The following MYH15 variants were observed in gnomAD, a reference collection of about 807,000 sequenced individuals.
The protein encoded by MYH15 is myosin-15.
A neutral mutation model predicts 240.5 loss-of-function variants in MYH15; 227 were observed. The observed-to-expected ratio is 0.94, with a 90% CI of 0.85 to 1.05. MYH15 has a LOEUF of 1.05. MYH15 is among the 50% of genes least tolerant of loss of function. The probability of loss-of-function intolerance (pLI) is 0.00; values close to 1 mark genes in which losing one functional copy is unlikely to be tolerated. For missense variants in MYH15, 2,217 were observed against 2,247.5 expected, an observed-to-expected ratio of 0.99 and a Z score of 0.27; for synonymous variants, 785 against 796.7, an observed-to-expected ratio of 0.99 and a Z score of 0.25.
intron 11 of MYH15, 37 bp from the exon 12 acceptor site, chr3:108,476,552 G>A: frequency 7.5e-7 from 1 of 1,330,438 alleles, no homozygotes; most frequent in South Asian, 1.2e-5. Flanking sequence ...AAGGAGAGAG[G>A]AAAACACTGT....
At chr3:108,539,477 A>C in the MYH15 span, among the ~76,000 whole-genome samples, 33 of 152,162 alleles carry the variant, frequency 2.2e-4, no homozygotes, top group Non-Finnish European at 7.3e-5. Context: ...AAAGCAAGCA[A>C]CTATGTATTA....
intron 1 of MYH15, among the ~76,000 whole-genome samples, chr3:108,516,995 C>T (rs2083578106): frequency 6.6e-6 from 1 of 152,154 alleles, no homozygotes; most frequent in African/African-American, 2.4e-5. Flanking sequence ...CTAATGATCT[C>T]CTGAAGAGAA....
In MYH15 at chr3:108,483,093, G is replaced by A. The variant is rs138445800; in HGVS notation, c.1114+1998C>T. On this transcript the variant is annotated intron_variant, in intron 11 of 40. Transcript: ENST00000693548. Reference sequence around the variant, plus strand: ...TGTAATCCCAGCTTCCCAGCTACTCGGGAGGCTGAGGCACAAGAATCGCTT... The same window carrying A: ...TGTAATCCCAGCTTCCCAGCTACTCAGGAGGCTGAGGCACAAGAATCGCTT... Among the ~76,000 whole-genome samples, 941 of 151,834 alleles carry A rather than the reference G, an allele frequency of 6.2e-3. 9 individuals are homozygous for A. Among genetic ancestry groups the A allele is most frequent in the African/African-American group, 0.018 (761 of 41,386 alleles).
intron 21 of MYH15, among the ~76,000 whole-genome samples, chr3:108,450,979 G>A (rs2082968505): frequency 6.6e-6 from 1 of 151,946 alleles, no homozygotes; most frequent in Non-Finnish European, 1.5e-5. Flanking sequence ...GAATGTTCAA[G>A]AAAAAGGAGA....
intron 23 of MYH15, among the ~76,000 whole-genome samples, chr3:108,440,660 A>C (rs2082877247): frequency 6.7e-6 from 1 of 148,226 alleles, no homozygotes; most frequent in Non-Finnish European, 1.5e-5. Context: ...ATCCCAAATT[A>C]TCTTTTAGCA....
intron 2 of MYH15, among the ~76,000 whole-genome samples, chr3:108,503,506 A>G (rs890055607): frequency 6.6e-6 from 1 of 152,230 alleles, no homozygotes; most frequent in Admixed American, 6.5e-5. Flanking sequence ...GCTTGAATAG[A>G]CATTTCTCTG....
In MYH15 at chr3:108,441,240, A is replaced by G; in HGVS notation, c.2676T>C (p.Asn892=). 2.5e-6 allele frequency: 4 copies of G among 1,613,918 alleles called. No individual in the cohort carries two copies. Among genetic ancestry groups the G allele is most frequent in the African/African-American group, 2.7e-5 (2 of 74,998 alleles). Residue 892 remains asparagine, a synonymous_variant, in exon 23 of 41, where the codon AAT becomes AAC. Coordinates refer to ENST00000693548, the MANE Select transcript of MYH15 (RefSeq NM_014981.3). ...QLQAEQETLA[N]VEEQCEWLIK... ...TCAGCCACTCGCACTGCTCTTCAAC[A>G]TTTGCCAGTGTCTCTTGCTCCTGCC...
chr3:108,503,763 T>C (rs2083455002), intron 2 of MYH15, among the ~76,000 whole-genome samples: 1 of 152,174 alleles, frequency 6.6e-6, no homozygotes, highest in Non-Finnish European at 1.5e-5. Flanking sequence ...ATGCTTAGTA[T>C]AGAGTTACTA....
At position 108,437,564 on chromosome 3, in the gene MYH15, C is replaced by G; in HGVS notation, c.3211G>C (p.Glu1071Gln). The change falls in exon 25 of 41, where the codon GAG becomes CAG. Residue 1071 changes from glutamate (E) to glutamine (Q), a missense_variant. Transcript: ENST00000693548. Reference sequence around the variant, plus strand: ...AGAAAGGTGGCTTACTTCCTCAGCTCTTCTGCCAGGTGTCGCTGGCTGCTT... The same window carrying G: ...AGAAAGGTGGCTTACTTCCTCAGCTGTTCTGCCAGGTGTCGCTGGCTGCTT... ...LESSQRHLAE[E>Q]LRKKELELSQ... 1 of 1,613,262 alleles carries G rather than the reference C, an allele frequency of 6.2e-7. No homozygotes were observed. Among genetic ancestry groups the G allele is most frequent in the Non-Finnish European group, 8.5e-7 (1 of 1,179,714 alleles).
upstream of MYH15, among the ~76,000 whole-genome samples, chr3:108,530,442 A>C (rs2083704035): frequency 6.6e-6 from 1 of 152,186 alleles, no homozygotes; most frequent in Non-Finnish European, 1.5e-5. Flanking sequence ...GAAGAGGGAG[A>C]GATAAATAGG....
chr3:108,398,859 G>A lies in MYH15; in HGVS notation c.4930-19C>T, dbSNP rs1182305043. ...GAAGGTCCTGGGAGAGAAAAGATGG[G>A]TCTGGAGTACAGATCCCTCTGAGTT... On this transcript the variant is annotated intron_variant, in intron 34 of 40. Transcript: ENST00000693548. The A allele has an allele frequency of 1.9e-6, 3 of 1,608,344 alleles. No individual in the cohort carries two copies. Among genetic ancestry groups the A allele is most frequent in the East Asian group, 2.2e-5 (1 of 44,874 alleles).
chr3:108,451,639 G>C (rs377279925), intron 21 of MYH15, among the ~76,000 whole-genome samples: 69 of 152,164 alleles, frequency 4.5e-4, no homozygotes, highest in African/African-American at 1.6e-3. Context: ...GTTTTGAAGA[G>C]AGAAAACATT....
intron 38 of MYH15, among the ~76,000 whole-genome samples, chr3:108,386,474 C>CTTCCCAGGCAG (rs1296969611): frequency 6.6e-6 from 1 of 152,212 alleles, no homozygotes; most frequent in Non-Finnish European, 1.5e-5. Context: ...AGGCCACACA[C>CTTCCCAGGCAG]TTCCCAGGCA....
the MYH15 span, among the ~76,000 whole-genome samples, chr3:108,536,820 T>A: frequency 6.6e-6 from 1 of 152,218 alleles, no homozygotes; most frequent in East Asian, 1.9e-4. Context: ...TTGCCCCTCC[T>A]GGAAGTAATA....
At chr3:108,510,140 G>C (rs771669679) in intron 1 of MYH15, among the ~76,000 whole-genome samples, 1 of 152,142 alleles carries the variant, frequency 6.6e-6, no homozygotes, top group Non-Finnish European at 1.5e-5. Context: ...GGCTTTGTCT[G>C]GCCATTCCTG....
chr3:108,539,416 T>C, the MYH15 span, among the ~76,000 whole-genome samples: 1 of 152,152 alleles, frequency 6.6e-6, no homozygotes, highest in Admixed American at 6.5e-5. Flanking sequence ...GGAAAACATG[T>C]GTTGTGCACT....
chr3:108,471,072 G>GAA (rs1553770223), intron 12 of MYH15, among the ~76,000 whole-genome samples: 2,352 of 128,620 alleles, frequency 0.018, 143 homozygotes, highest in East Asian at 0.16. Flanking sequence ...AGGGAGGGAG[G>GAA]GAGGAAGGAA....
At position 108,460,331 on chromosome 3, in the gene MYH15, GCTC is replaced by G. The variant is rs766078888; in HGVS notation, c.1898_1900del (p.Gly633del). ...CAGAGATGCAACCGTTTGGAATGAA[GCTC>G]CTTTCTTTCGTTTCTTCTCCCCAAA... On this transcript the variant is annotated inframe_deletion, in exon 17 of 41. Transcript: ENST00000693548. 1 of 1,600,892 alleles carries G rather than the reference GCTC, an allele frequency of 6.2e-7. No homozygotes were observed.
At chr3:108,453,190 A>G (rs2082989434) in intron 21 of MYH15, among the ~76,000 whole-genome samples, 1 of 152,176 alleles carries the variant, frequency 6.6e-6, no homozygotes, top group Non-Finnish European at 1.5e-5. Flanking sequence ...CCTAGAAGCC[A>G]TGTTCTGTGA....
Sources: allele counts gnomAD v4.1 joint callset (sites outside exome capture counted in the v4.1 genomes callset), GRCh38; gene constraint gnomAD v4.1.1; transcripts MANE v1.5; gene names NCBI Gene and HGNC (gene_info 2026-07-23, HGNC 2026-07-21).